The following YES1 variants were observed in gnomAD, a reference collection of about 807,000 sequenced individuals.
YES1 encodes the protein YES proto-oncogene 1, Src family tyrosine kinase.
A neutral mutation model predicts 70.4 loss-of-function variants in YES1; 39 were observed. The observed-to-expected ratio is 0.55, with a 90% CI of 0.43 to 0.72. The LOEUF (loss-of-function observed/expected upper bound fraction) is 0.72, where lower values mean the gene tolerates loss of function less well. Among genes scored for constraint, YES1 ranks in the 30% least tolerant of loss-of-function variants. The pLI is 0.00. For synonymous variants in YES1, 198 were observed against 218.6 expected (o/e 0.91, Z 0.83); for missense variants, 495 against 644.8 (o/e 0.77, Z 2.52).
chr18:757,099 A>G lies in YES1; in HGVS notation c.-8-264T>C, dbSNP rs149634373. On this transcript the variant is annotated intron_variant, in intron 1 of 11. Transcript: ENST00000314574. ...TGACAACATGCCACAGTATATTGGG[A>G]AAAAACCATGGGCTCTGAAGCCAGA... Among the ~76,000 whole-genome samples the G allele has an allele frequency of 4.2e-3, 637 of 152,342 alleles. 2 individuals carry two copies. Among genetic ancestry groups the G allele is most frequent in the Non-Finnish European group, 6.4e-3 (437 of 68,028 alleles).
chr18:765,640 C>T (rs1904872398), intron 1 of YES1, among the ~76,000 whole-genome samples: 1 of 152,040 alleles, frequency 6.6e-6, no homozygotes, highest in Admixed American at 6.6e-5. Context: ...CCTTGTGACC[C>T]ACCCACCCTG....
intron 1 of YES1, among the ~76,000 whole-genome samples, chr18:790,677 T>G (rs557549595): frequency 1.5e-4 from 23 of 152,114 alleles, no homozygotes; most frequent in Non-Finnish European, 3.2e-4. Context: ...CAGAACTAGA[T>G]AAAATGGCTA....
chr18:763,524 G>A (rs1904700802), intron 1 of YES1, among the ~76,000 whole-genome samples: 1 of 151,708 alleles, frequency 6.6e-6, no homozygotes, highest in South Asian at 2.1e-4. Context: ...GCAGAACCCC[G>A]TCTCTACAAA....
At chr18:738,805 T>C (rs1034888351) in intron 9 of YES1, 1 of 151,968 alleles carries the variant, frequency 6.6e-6, no homozygotes, top group Non-Finnish European at 1.5e-5. Context: ...TATAAATACA[T>C]ATAGACTTTA....
intron 1 of YES1, among the ~76,000 whole-genome samples, chr18:795,623 G>A (rs1471029936): frequency 1.3e-5 from 2 of 151,964 alleles, no homozygotes; most frequent in African/African-American, 4.8e-5. Context: ...GATGAAGCTG[G>A]AAATCATCAT....
chr18:779,336 C>A (rs1905538229), intron 1 of YES1, among the ~76,000 whole-genome samples: 2 of 148,264 alleles, frequency 1.3e-5, no homozygotes, highest in Admixed American at 1.4e-4. Flanking sequence ...CCTGGGAGGT[C>A]AAGGCTGCGG....
rs994489136 is a variant in YES1 at position 748,005 on chromosome 18, A to G, written c.385T>C (p.Trp129Arg). 1.2e-6 allele frequency: 2 copies of G among 1,613,764 alleles called. No individual in the cohort carries two copies. Among genetic ancestry groups the G allele is most frequent in the Non-Finnish European group, 1.7e-6 (2 of 1,179,962 alleles). Residue 129 changes from tryptophan (W) to arginine (R), a missense_variant, in exon 4 of 12, where the codon TGG becomes CGG. Trp to Arg is a moderately radical substitution (Grantham distance 101, BLOSUM62 -3). Around this residue, in one of 2 missense-constraint regions of YES1, gnomAD observed 385 missense variants for 540.9 expected, o/e 0.71. Coordinates refer to ENST00000314574, the MANE Select transcript of YES1 (RefSeq NM_005433.4). ...QIINNTEGDW[W>R]EARSIATGKN... Reference sequence around the variant, plus strand: ...CCTGTAGCGATTGATCTTGCTTCCCACCAATCTCCTTCCCTGCAACACATA... The same window carrying G: ...CCTGTAGCGATTGATCTTGCTTCCCGCCAATCTCCTTCCCTGCAACACATA...
chr18:727,221 T>G (rs73943186), intron 11 of YES1, among the ~76,000 whole-genome samples: 1,925 of 152,314 alleles, frequency 0.013, 37 homozygotes, highest in African/African-American at 0.044. Context: ...CTTTTATTAT[T>G]ATGAAACGTC....
intron 1 of YES1, among the ~76,000 whole-genome samples, chr18:798,522 A>C (rs915512838): frequency 4.6e-5 from 7 of 152,160 alleles, no homozygotes; most frequent in Non-Finnish European, 8.8e-5. Context: ...GGGTGGGGGA[A>C]AAGGGGAAAT....
At position 758,906 on chromosome 18, in the gene YES1, T is replaced by C. The variant is rs141901218; in HGVS notation, c.-8-2071A>G. Among the ~76,000 whole-genome samples, 17 of 152,352 alleles carry C rather than the reference T, an allele frequency of 1.1e-4. No homozygotes were observed. In the East Asian group the frequency reaches 2.5e-3, roughly 22 times the overall value. On this transcript the variant is annotated intron_variant, in intron 1 of 11. Transcript: ENST00000314574. ...TTCACTGTCTACAGAAGCACTAATATAGAATTCATTAATTCACTTAACTTT... is the reference window on the plus strand; with the variant it reads ...TTCACTGTCTACAGAAGCACTAATACAGAATTCATTAATTCACTTAACTTT...
intron 1 of YES1, among the ~76,000 whole-genome samples, chr18:792,739 T>C (rs888336949): frequency 6.6e-6 from 1 of 151,868 alleles, no homozygotes; most frequent in Admixed American, 6.6e-5. Flanking sequence ...GAAGGGAGGA[T>C]TGCTTGAGGC....
chr18:768,314 G>A (rs1367766130), intron 1 of YES1, among the ~76,000 whole-genome samples: 49 of 152,166 alleles, frequency 3.2e-4, no homozygotes, highest in Non-Finnish European at 2.9e-5. Flanking sequence ...CCACAAAAAT[G>A]CCTGCTGGGA....
At chr18:744,954 AAAAT>A (rs1598900024) in intron 6 of YES1, among the ~76,000 whole-genome samples, 1 of 152,088 alleles carries the variant, frequency 6.6e-6, no homozygotes, top group East Asian at 1.9e-4. Context: ...TATTCTCACT[AAAAT>A]AACCACATAA....
intron 1 of YES1, among the ~76,000 whole-genome samples, chr18:791,585 A>T (rs1407668839): frequency 6.6e-6 from 1 of 152,222 alleles, no homozygotes; most frequent in African/African-American, 2.4e-5. Flanking sequence ...AATGTGAACC[A>T]CAAATACAAA....
chr18:751,765 G>A lies in YES1; in HGVS notation c.311C>T (p.Ala104Val), dbSNP rs529754493. 2 of 1,606,528 alleles carry A rather than the reference G, an allele frequency of 1.2e-6. No individual in the cohort carries two copies. Among genetic ancestry groups the A allele is most frequent in the Non-Finnish European group, 1.7e-6 (2 of 1,174,176 alleles). Residue 104 changes from alanine (A) to valine (V), a missense_variant, in exon 3 of 12, where the codon GCT becomes GTT. Transcript: ENST00000314574. ...AAATGAAAGGTCTTCTGTAGTTCTA[G>A]CTTCATAATCATATAAGGCCACAAA... is the stretch of plus-strand genomic sequence containing the variant. ...TIFVALYDYE[A>V]RTTEDLSFKK...
At chr18:747,715 CTG>C (rs1199982328) in intron 4 of YES1, among the ~76,000 whole-genome samples, 1 of 151,984 alleles carries the variant, frequency 6.6e-6, no homozygotes, top group Non-Finnish European at 1.5e-5. Flanking sequence ...GGAAATATGA[CTG>C]ATGCAGATTC....
chr18:751,466 A>C (rs577900293), intron 3 of YES1, among the ~76,000 whole-genome samples: 1 of 152,344 alleles, frequency 6.6e-6, no homozygotes, highest in East Asian at 1.9e-4. Context: ...GTAACTCTTC[A>C]TTCTTAAATC....
At chr18:796,446 C>T (rs950945898) in intron 1 of YES1, among the ~76,000 whole-genome samples, 2 of 152,124 alleles carry the variant, frequency 1.3e-5, no homozygotes, top group African/African-American at 4.8e-5. Context: ...TTATAATCAA[C>T]AGCATCAAGC....
At chr18:799,792 T>C (rs1457125513) in intron 1 of YES1, among the ~76,000 whole-genome samples, 2 of 151,928 alleles carry the variant, frequency 1.3e-5, no homozygotes, top group East Asian at 1.9e-4. Flanking sequence ...TCTCAGCTAC[T>C]TGGGAGGCTG....
Sources: allele counts gnomAD v4.1 joint callset (sites outside exome capture counted in the v4.1 genomes callset), GRCh38; gene constraint gnomAD v4.1.1; regional missense constraint gnomAD v4.1.1; transcripts MANE v1.5; gene names NCBI Gene and HGNC (gene_info 2026-07-23, HGNC 2026-07-21).